Variants in APBB1IP observed in about 807,000 individuals in gnomAD.
The protein encoded by APBB1IP is amyloid beta A4 precursor protein-binding family B member 1-interacting protein.
A neutral mutation model predicts 64.9 loss-of-function variants in APBB1IP; 27 were observed. The ratio of observed to expected loss-of-function variants is 0.42; its 90% confidence interval spans 0.31 to 0.57. The LOEUF (loss-of-function observed/expected upper bound fraction) is 0.57. Among genes scored for constraint, APBB1IP ranks in the 20% least tolerant of loss-of-function variants. The pLI is 0.20. For synonymous variants in APBB1IP, 392 were observed against 331.0 expected (o/e 1.18, Z -2.00); for missense variants, 812 against 845.5 (o/e 0.96, Z 0.49).
intron 6 of APBB1IP, among the ~76,000 whole-genome samples, chr10:26,506,269 G>A (rs1836177740): frequency 6.9e-6 from 1 of 144,242 alleles, no homozygotes; most frequent in Non-Finnish European, 1.5e-5. Flanking sequence ...GGGGTGGGGG[G>A]CAAGGTCTTG....
At chr10:26,468,252 T>C (rs189654605) in intron 2 of APBB1IP, among the ~76,000 whole-genome samples, 2 of 152,372 alleles carry the variant, frequency 1.3e-5, no homozygotes, top group Admixed American at 1.3e-4. Flanking sequence ...CTTTGGCTCC[T>C]TATTATTTTA....
chr10:26,452,454 T>G (rs1835475635), intron 2 of APBB1IP, among the ~76,000 whole-genome samples: 1 of 152,224 alleles, frequency 6.6e-6, no homozygotes, highest in African/African-American at 2.4e-5. Flanking sequence ...ACAAACATAT[T>G]ACCAAGGAAG....
At chr10:26,529,984 A>C (rs1440904359) in intron 8 of APBB1IP, among the ~76,000 whole-genome samples, 1 of 152,138 alleles carries the variant, frequency 6.6e-6, no homozygotes, top group African/African-American at 2.4e-5. Flanking sequence ...CCAGTTCATC[A>C]TACGTGATTC....
intron 5 of APBB1IP, among the ~76,000 whole-genome samples, chr10:26,502,513 G>A (rs1201677945): frequency 6.6e-6 from 1 of 152,010 alleles, no homozygotes; most frequent in East Asian, 1.9e-4. Flanking sequence ...ATGGTGGCAG[G>A]CGCCTGTAGT....
chr10:26,526,258 A>G (rs1015837237), intron 8 of APBB1IP, among the ~76,000 whole-genome samples: 1 of 152,222 alleles, frequency 6.6e-6, no homozygotes, highest in Admixed American at 6.5e-5. Flanking sequence ...TGGTAAAGTC[A>G]GTTCATGTAA....
At position 26,447,323 on chromosome 10, in the gene APBB1IP, C is replaced by G. The variant is rs979769296; in HGVS notation, c.-1+8470C>G. Among the ~76,000 whole-genome samples the G allele has an allele frequency of 1.0e-4, 14 of 136,004 alleles. No homozygotes were observed. In the Admixed American group the frequency reaches 1.1e-3, roughly 11 times the overall value. The allele number at this position is 136,004 out of a possible 152,430, so 89.2% of individuals were successfully genotyped here. ...CCAGGAAGCGGAGTTTGCAGTGAGC[C>G]GAGATCGCGCCACTGCACTCCAGCC... On this transcript the variant is annotated intron_variant, in intron 2 of 14. Transcript: ENST00000376236.
At chr10:26,562,698 G>C (rs1836989225) in intron 14 of APBB1IP, among the ~76,000 whole-genome samples, 2 of 152,096 alleles carry the variant, frequency 1.3e-5, no homozygotes, top group African/African-American at 4.8e-5. Flanking sequence ...TGGGGAGGCT[G>C]AGGTGTTTGA....
chr10:26,489,467 A>G (rs947270837), intron 2 of APBB1IP, among the ~76,000 whole-genome samples: 23 of 152,228 alleles, frequency 1.5e-4, no homozygotes, highest in African/African-American at 5.3e-4. Context: ...AACGCAAGAT[A>G]ATTGTTGAAG....
intron 2 of APBB1IP, among the ~76,000 whole-genome samples, chr10:26,466,629 C>T (rs947884456): frequency 2.6e-5 from 4 of 152,012 alleles, no homozygotes; most frequent in Admixed American, 6.6e-5. Flanking sequence ...AGCAAGAACT[C>T]GGCCCCACAA....
At chr10:26,499,445 C>T (rs1367166363) in intron 4 of APBB1IP, among the ~76,000 whole-genome samples, 1 of 152,172 alleles carries the variant, frequency 6.6e-6, no homozygotes, top group East Asian at 1.9e-4. Context: ...CTGGAATATG[C>T]TGTGTGACAT....
At chr10:26,495,205 A>G (rs941076845) in intron 3 of APBB1IP, among the ~76,000 whole-genome samples, 1 of 151,518 alleles carries the variant, frequency 6.6e-6, no homozygotes, top group Non-Finnish European at 1.5e-5. Flanking sequence ...ACGGGGTTTC[A>G]CCATGTTGGC....
intron 5 of APBB1IP, chr10:26,501,433 T>G (rs1836098663): frequency 1.9e-6 from 1 of 514,396 alleles, no homozygotes; most frequent in Admixed American, 3.4e-5. Flanking sequence ...TGGAACTGAT[T>G]ATATATTTCC....
At chr10:26,513,682 T>C (rs1337318760) in intron 8 of APBB1IP, 22 bp downstream of exon 8, 14 of 1,582,536 alleles carry the variant, frequency 8.8e-6, no homozygotes, top group African/African-American at 5.6e-5. Flanking sequence ...TGCATATTGT[T>C]AAACCCTATA....
chr10:26,488,020 G>A (rs80242048), intron 2 of APBB1IP, among the ~76,000 whole-genome samples: 3,661 of 152,166 alleles, frequency 0.024, 146 homozygotes, highest in African/African-American at 0.083. Context: ...TAATTCATCT[G>A]AAGGATTCCT....
chr10:26,489,749 G>A (rs1835933132), intron 2 of APBB1IP, among the ~76,000 whole-genome samples: 1 of 152,212 alleles, frequency 6.6e-6, no homozygotes, highest in South Asian at 2.1e-4. Context: ...ATTTGGCTGG[G>A]TGTGATGGCT....
intron 3 of APBB1IP, among the ~76,000 whole-genome samples, chr10:26,493,446 G>A (rs1260072386): frequency 6.6e-6 from 1 of 152,168 alleles, no homozygotes; most frequent in African/African-American, 2.4e-5. Context: ...TTGCAGTAAA[G>A]ACAGGCGTAA....
chr10:26,557,517 TTCTGAATTTTTCCGTAGTC>T (rs1395342035), intron 11 of APBB1IP, among the ~76,000 whole-genome samples: 1 of 152,182 alleles, frequency 6.6e-6, no homozygotes, highest in Admixed American at 6.5e-5. Flanking sequence ...AAAAAATCAT[TTCTGAATTTTTCCGTAGTC>T]TCTTCCAAGT....
chr10:26,457,600 C>T (rs1018289706), intron 2 of APBB1IP, among the ~76,000 whole-genome samples: 1 of 152,198 alleles, frequency 6.6e-6, no homozygotes, highest in African/African-American at 2.4e-5. Flanking sequence ...TCTCCCTATA[C>T]CAAAACCTAT....
intron 6 of APBB1IP, among the ~76,000 whole-genome samples, chr10:26,509,388 T>C (rs908585294): frequency 1.4e-4 from 21 of 152,194 alleles, no homozygotes; most frequent in African/African-American, 5.1e-4. Flanking sequence ...CATGTCTACA[T>C]TTTGATCTTG....
Sources: allele counts gnomAD v4.1 joint callset (sites outside exome capture counted in the v4.1 genomes callset), GRCh38; gene constraint gnomAD v4.1.1; transcripts MANE v1.5; gene names NCBI Gene and HGNC (gene_info 2026-07-23, HGNC 2026-07-21).